The following LRRFIP2 variants were observed in gnomAD, a reference collection of about 807,000 sequenced individuals.
LRRFIP2 encodes the protein LRR binding FLII interacting protein 2.
In LRRFIP2, 109 loss-of-function variants were observed where a neutral mutation model predicts 125.9. That is an observed-to-expected ratio of 0.87 (90% CI 0.74 to 1.01). The LOEUF is 1.01. LRRFIP2 is among the 50% of genes least tolerant of loss of function. The pLI is 0.00. For missense variants in LRRFIP2, 850 were observed against 862.3 expected (o/e 0.99, Z 0.18); for synonymous variants, 291 against 293.1 (o/e 0.99, Z 0.07).
At chr3:37,074,583 ATTC>A (rs1373321252) in intron 20 of LRRFIP2, among the ~76,000 whole-genome samples, 1 of 152,180 alleles carries the variant, frequency 6.6e-6, no homozygotes, top group African/African-American at 2.4e-5. Flanking sequence ...CAGACTAACC[ATTC>A]TTTACCTTTT....
chr3:37,080,005 T>C (rs1321691439), intron 19 of LRRFIP2, among the ~76,000 whole-genome samples: 1 of 152,184 alleles, frequency 6.6e-6, no homozygotes. Flanking sequence ...GTGATGAAGG[T>C]TACACATATA....
chr3:37,152,578 G>A (rs1386438796), intron 1 of LRRFIP2, among the ~76,000 whole-genome samples: 1 of 152,082 alleles, frequency 6.6e-6, no homozygotes, highest in Non-Finnish European at 1.5e-5. Context: ...CGAGTAGCTG[G>A]GACTACATGT....
rs748419243 is a variant in LRRFIP2, at chr3:37,075,043, T to G, written c.1352A>C (p.Gln451Pro). Residue 451 changes from glutamine (Q) to proline (P), a missense_variant, in exon 20 of 28, where the codon CAA (glutamine) becomes CCA (proline). Transcript: ENST00000336686. ...ACATACCTCAATAAGCTCATCTCTT[T>G]GCCGCAGGCCTTCTTTAAGTTCTTC... ...KMEELKEGLRQRDELIEEKQR... is the reference protein window; with the variant it reads ...KMEELKEGLRPRDELIEEKQR... 1.2e-6 allele frequency: 2 copies of G among 1,612,752 alleles called. No individual in the cohort carries two copies. Among genetic ancestry groups the G allele is most frequent in the South Asian group, 2.2e-5 (2 of 91,066 alleles).
At chr3:37,078,698 A>C (rs1443451842) in intron 19 of LRRFIP2, among the ~76,000 whole-genome samples, 2 of 152,206 alleles carry the variant, frequency 1.3e-5, no homozygotes, top group African/African-American at 2.4e-5. Context: ...GGCAATGAGC[A>C]TCTCTAGCAC....
intron 15 of LRRFIP2, among the ~76,000 whole-genome samples, chr3:37,102,265 A>AT (rs2094102147): frequency 6.6e-6 from 1 of 152,154 alleles, no homozygotes. Context: ...TTATTGGGAA[A>AT]TGACATGACA....
intron 2 of LRRFIP2, 149 bp downstream of exon 2, chr3:37,148,745 C>T: frequency 1.5e-6 from 1 of 684,068 alleles, no homozygotes. Flanking sequence ...TTTATTCTAA[C>T]ACACTATTTT....
At chr3:37,172,118 T>C (rs907282808) in intron 1 of LRRFIP2, among the ~76,000 whole-genome samples, 2 of 152,228 alleles carry the variant, frequency 1.3e-5, no homozygotes, top group African/African-American at 2.4e-5. Context: ...CAACATGGGA[T>C]TGAAATAGTT....
At chr3:37,165,222 G>A (rs971221878) in intron 1 of LRRFIP2, among the ~76,000 whole-genome samples, 9 of 150,390 alleles carry the variant, frequency 6.0e-5, no homozygotes, top group African/African-American at 1.7e-4. Context: ...GTGACAGAGC[G>A]AGACTCTGTC....
intron 19 of LRRFIP2, 70 bp from the exon 20 acceptor site, chr3:37,075,186 A>G (rs112140561): frequency 9.8e-7 from 1 of 1,024,790 alleles, no homozygotes; most frequent in Non-Finnish European, 1.5e-6. Context: ...ACACAATACA[A>G]CACAGAGGTT....
chr3:37,071,097 C>T (rs1007941757), intron 21 of LRRFIP2, among the ~76,000 whole-genome samples: 1 of 152,126 alleles, frequency 6.6e-6, no homozygotes, highest in Non-Finnish European at 1.5e-5. Context: ...TTCAAAACAC[C>T]TAACAGAATT....
chr3:37,152,574 G>C (rs2096064762), intron 1 of LRRFIP2, among the ~76,000 whole-genome samples: 1 of 152,072 alleles, frequency 6.6e-6, no homozygotes, highest in Non-Finnish European at 1.5e-5. Flanking sequence ...CTCCCGAGTA[G>C]CTGGGACTAC....
intron 2 of LRRFIP2, among the ~76,000 whole-genome samples, chr3:37,136,097 T>G (rs962840347): frequency 6.6e-6 from 1 of 152,236 alleles, no homozygotes; most frequent in Non-Finnish European, 1.5e-5. Context: ...GGAATATTAT[T>G]CAGCCTTAAA....
chr3:37,074,193 G>T (rs1288047336), intron 20 of LRRFIP2, among the ~76,000 whole-genome samples: 1 of 152,156 alleles, frequency 6.6e-6, no homozygotes, highest in Non-Finnish European at 1.5e-5. Context: ...GAGAGAAAGA[G>T]GGAGAGAAAA....
Position 37,105,508 on chromosome 3 carries a change from T to G in LRRFIP2, c.730A>C (p.Thr244Pro). 3.7e-6 allele frequency: 6 copies of G among 1,613,672 alleles called. No homozygotes were observed. Among genetic ancestry groups the G allele is most frequent in the South Asian group, 1.1e-5 (1 of 91,086 alleles). ...RSSPGFTNDD[T>P]ASIVSSDRAS... ...CGATCAGAAGACACAATGCTTGCAGTGTCATCGTTGGTAAACTATAGATAT... is the reference window on the plus strand; with the variant it reads ...CGATCAGAAGACACAATGCTTGCAGGGTCATCGTTGGTAAACTATAGATAT... Residue 244 changes from threonine to proline, a missense_variant, in exon 14 of 28, where the codon ACT (threonine) becomes CCT (proline). Physicochemically the swap from Thr to Pro is conservative, Grantham distance 38 (BLOSUM62 -1). Transcript: ENST00000336686.
intron 13 of LRRFIP2, among the ~76,000 whole-genome samples, chr3:37,106,251 C>T (rs1053823823): frequency 6.6e-6 from 1 of 152,068 alleles, no homozygotes; most frequent in Non-Finnish European, 1.5e-5. Context: ...GACAGAAATT[C>T]CTACAACAAG....
intron 22 of LRRFIP2, 56 bp downstream of exon 22, chr3:37,066,168 G>A: frequency 2.7e-6 from 4 of 1,464,804 alleles, no homozygotes; most frequent in Non-Finnish European, 3.8e-6. Context: ...ATGAAAGGAA[G>A]GAAGATAGAG....
chr3:37,090,197 G>A (rs1399288295), intron 18 of LRRFIP2, among the ~76,000 whole-genome samples: 2 of 151,162 alleles, frequency 1.3e-5, no homozygotes, highest in Non-Finnish European at 3.0e-5. Flanking sequence ...TTTTTTAGAG[G>A]TGTAGTGTGT....
intron 13 of LRRFIP2, among the ~76,000 whole-genome samples, chr3:37,107,413 G>A (rs1327624688): frequency 6.6e-6 from 1 of 152,098 alleles, no homozygotes; most frequent in Non-Finnish European, 1.5e-5. Context: ...AAAATATATT[G>A]AGGAGCAGTA....
intron 18 of LRRFIP2, among the ~76,000 whole-genome samples, chr3:37,090,536 G>C (rs139883297): frequency 6.6e-5 from 10 of 152,184 alleles, no homozygotes; most frequent in African/African-American, 2.4e-4. Flanking sequence ...GCCCTGTAGT[G>C]TGTATTTTGA....
Sources: allele counts gnomAD v4.1 joint callset (sites outside exome capture counted in the v4.1 genomes callset), GRCh38; gene constraint gnomAD v4.1.1; transcripts MANE v1.5; gene names NCBI Gene and HGNC (gene_info 2026-07-23, HGNC 2026-07-21).